The following CRYM variants were observed in gnomAD, a reference collection of about 807,000 sequenced individuals.
CRYM encodes the protein ketimine reductase mu-crystallin.
A neutral mutation model predicts 32.9 loss-of-function variants in CRYM; 18 were observed. The ratio of observed to expected loss-of-function variants is 0.55; its 90% CI spans 0.38 to 0.81. The LOEUF is 0.81. CRYM is among the 30% of genes least tolerant of loss of function. The probability of loss-of-function intolerance (pLI) is 0.00; values close to 1 mark genes in which losing one functional copy is unlikely to be tolerated. For missense variants in CRYM, 337 were observed against 393.5 expected, an observed-to-expected ratio of 0.86 and a Z score of 1.21; for synonymous variants, 153 against 152.4, an observed-to-expected ratio of 1.00 and a Z score of -0.03.
chr16:21,296,494 C>G (rs1243084075), intron 1 of CRYM, among the ~76,000 whole-genome samples: 1 of 152,080 alleles, frequency 6.6e-6, no homozygotes, highest in African/African-American at 2.4e-5. Flanking sequence ...AATAAAAGAA[C>G]ACAAATCTAC....
At chr16:21,279,886 G>A (rs1293058920), upstream of CRYM, among the ~76,000 whole-genome samples, 1 of 152,130 alleles carries the variant, frequency 6.6e-6, no homozygotes, top group African/African-American at 2.4e-5. Flanking sequence ...CATGTAATAA[G>A]TGAACACTGA....
intron 1 of CRYM, among the ~76,000 whole-genome samples, chr16:21,291,194 T>A (rs935082118): frequency 6.6e-6 from 1 of 152,178 alleles, no homozygotes; most frequent in Admixed American, 6.5e-5. Flanking sequence ...ATAATACTTT[T>A]AAAAACTTTC....
chr16:21,290,852 C>G (rs1412965440), intron 1 of CRYM, among the ~76,000 whole-genome samples: 2 of 151,834 alleles, frequency 1.3e-5, no homozygotes, highest in Non-Finnish European at 2.9e-5. Context: ...CATTTCCTAT[C>G]ACATCTTTGC....
intron 4 of CRYM, 49 bp from the exon 5 acceptor site, chr16:21,267,786 T>C (rs765478682): frequency 6.3e-7 from 1 of 1,593,344 alleles, no homozygotes; most frequent in Non-Finnish European, 8.6e-7. Flanking sequence ...TTTGGCTGCT[T>C]ATGTTACACT....
intron 1 of CRYM, among the ~76,000 whole-genome samples, chr16:21,298,758 T>C (rs1960837862): frequency 6.6e-6 from 1 of 152,232 alleles, no homozygotes; most frequent in Non-Finnish European, 1.5e-5. Flanking sequence ...TGGTTTTGTG[T>C]GTATTTGCTT....
chr16:21,262,521 A>G (rs769923681), intron 5 of CRYM, among the ~76,000 whole-genome samples: 15 of 152,118 alleles, frequency 9.9e-5, no homozygotes, highest in Non-Finnish European at 2.2e-4. Context: ...CTGGAGGCTG[A>G]GGCATGAGAA....
chr16:21,259,775 T>G (rs183913204), intron 7 of CRYM, among the ~76,000 whole-genome samples: 1 of 152,340 alleles, frequency 6.6e-6, no homozygotes, highest in Non-Finnish European at 1.5e-5. Flanking sequence ...TGTCTTGTAA[T>G]TTTGGTAGAT....
chr16:21,266,847 A>G (rs2093364642), intron 5 of CRYM, among the ~76,000 whole-genome samples: 1 of 151,748 alleles, frequency 6.6e-6, no homozygotes, highest in South Asian at 2.1e-4. Context: ...TCTACCAAAA[A>G]TTACAAAAAA....
intron 3 of CRYM, among the ~76,000 whole-genome samples, chr16:21,273,430 G>T (rs1389385242): frequency 6.6e-6 from 1 of 152,136 alleles, no homozygotes; most frequent in Non-Finnish European, 1.5e-5. Context: ...TCAACCCAAG[G>T]CTTCTTGATT....
chr16:21,292,985 C>CGGAT (rs1173051587), intron 1 of CRYM, among the ~76,000 whole-genome samples: 1 of 150,284 alleles, frequency 6.7e-6, no homozygotes, highest in African/African-American at 2.5e-5. Flanking sequence ...GATGGATGAA[C>CGGAT]GGATGGATGG....
intron 7 of CRYM, chr16:21,260,933 C>T (rs1216296345): frequency 2.6e-5 from 11 of 422,714 alleles, no homozygotes; most frequent in Non-Finnish European, 4.9e-5. Context: ...TCAAGATCTG[C>T]ACCGAACTGA....
At chr16:21,295,261 T>C (rs1567242256) in intron 1 of CRYM, among the ~76,000 whole-genome samples, 1 of 152,228 alleles carries the variant, frequency 6.6e-6, no homozygotes, top group Non-Finnish European at 1.5e-5. Context: ...TCCACAGTGG[T>C]TGAACGAATT....
rs949527185 is a variant in CRYM, at chr16:21,277,269, G to C, written c.324+162C>G. ...GCATCCTCAGGCAGTCCTAGAAATA[G>C]ATACATGGACACAGATAACCTTCAC... On this transcript the variant is annotated intron_variant, in intron 2 of 7. Coordinates refer to ENST00000572914, the MANE Select transcript of CRYM (RefSeq NM_001376256.1). This position sits in a 1 kb window ranked among gnomAD's most constrained non-coding sequence, Gnocchi z 4.2. Among the ~76,000 whole-genome samples, 5 of 152,206 alleles carry C rather than the reference G, an allele frequency of 3.3e-5. No individual in the cohort carries two copies. Among genetic ancestry groups the C allele is most frequent in the African/African-American group, 9.6e-5 (4 of 41,456 alleles).
In CRYM at chr16:21,262,011, C is replaced by T. The variant is rs553042848; in HGVS notation, c.795+26G>A. 46 of 1,613,470 alleles carry T rather than the reference C, an allele frequency of 2.9e-5. No individual in the cohort carries two copies. In the South Asian group the frequency reaches 4.5e-4, roughly 16 times the overall value. ...CAGGTGAGGCCAGCCAGGTGGCAGC[C>T]CTGACTGGGGTCAGAAGGGCCTCAC... On this transcript the variant is annotated intron_variant, in intron 6 of 7. Transcript: ENST00000572914.
rs1323500948 is a variant in CRYM at position 21,269,810 on chromosome 16, C to T, written c.469G>A (p.Glu157Lys). The part of the protein sequence containing the change: ...QAYSHYEIFT[E>K]QFSFKEVRIW... ...CTTACCTCCTTAAAGGAGAACTGCT[C>T]TGTGAAGATCTCATAATGGCTGTAG... The change falls in exon 4 of 8, where the codon GAG becomes AAG. Residue 157 changes from glutamate to lysine, a missense_variant. Physicochemically the swap from Glu to Lys is moderately conservative, Grantham distance 56 (BLOSUM62 1). Transcript: ENST00000572914. 2 of 1,361,070 alleles carry T rather than the reference C, an allele frequency of 1.5e-6. No homozygotes were observed. The highest frequency in any genetic ancestry group is 1.5e-5 in the African/African-American group (1 of 67,622). The allele number at this position is 1,361,070 out of a possible 1,614,324, so 84.3% of individuals were successfully genotyped here. A position where few individuals can be genotyped will look rare whatever the true frequency, so the allele number is the denominator to read the frequency against.
At chr16:21,265,952 A>G (rs1246484369) in intron 5 of CRYM, among the ~76,000 whole-genome samples, 1 of 152,218 alleles carries the variant, frequency 6.6e-6, no homozygotes, top group Non-Finnish European at 1.5e-5. Context: ...GGCTTGGCAC[A>G]GTGGCTCACG....
At position 21,264,235 on chromosome 16, in the gene CRYM, T is replaced by C. The variant is rs546193955; in HGVS notation, c.674-2077A>G. 2.3e-5 allele frequency among the ~76,000 whole-genome samples: 3 copies of C among 128,168 alleles called. No individual in the cohort carries two copies. The South Asian group carries it at 6.6e-4, about 28-fold the overall frequency. 84.1% of individuals were successfully genotyped at this position (128,168 alleles called of 152,430 possible). A position where few individuals can be genotyped will look rare whatever the true frequency, so the allele number is the denominator to read the frequency against. Reference sequence around the variant, plus strand: ...GGAGAGTTCTATAGAACAAAAGCACTAGCTTAAGGAAGCTTGTAAATAAAT... The same window carrying C: ...GGAGAGTTCTATAGAACAAAAGCACCAGCTTAAGGAAGCTTGTAAATAAAT... On this transcript the variant is annotated intron_variant, in intron 5 of 7. Coordinates refer to ENST00000572914, the MANE Select transcript of CRYM (RefSeq NM_001376256.1).
At position 21,266,727 on chromosome 16, in the gene CRYM, G is replaced by A. The variant is rs781302478; in HGVS notation, c.673+827C>T. Among the ~76,000 whole-genome samples, 5 of 152,158 alleles carry A rather than the reference G, an allele frequency of 3.3e-5. No individual in the cohort carries two copies. In the South Asian group the frequency reaches 6.2e-4, roughly 19 times the overall value. On this transcript the variant is annotated intron_variant, in intron 5 of 7. Coordinates refer to ENST00000572914, the MANE Select transcript of CRYM (RefSeq NM_001376256.1). ...ATAATTTTACATGTTATGGTCAGGCGTAGTGGCTCATACTTGTAATCAGTC... is the reference window on the plus strand; with the variant it reads ...ATAATTTTACATGTTATGGTCAGGCATAGTGGCTCATACTTGTAATCAGTC...
intron 3 of CRYM, among the ~76,000 whole-genome samples, chr16:21,274,500 C>T (rs192688130): frequency 3.3e-5 from 5 of 152,196 alleles, no homozygotes; most frequent in Admixed American, 1.3e-4. Flanking sequence ...ATTCTAAGCA[C>T]GCTATTAATC....
Sources: gnomAD v4.1 joint callset for allele counts (sites outside exome capture counted in the v4.1 genomes callset) on GRCh38, gnomAD v4.1.1 for gene constraint, Gnocchi (gnomAD v3.1) non-coding constraint, MANE v1.5 for transcripts, NCBI Gene and HGNC (gene_info 2026-07-23, HGNC 2026-07-21) for gene names.